MAPK13: variants seen among roughly 807,000 people sequenced by gnomAD.
MAPK13 encodes the protein MAP kinase 13.
MAPK13 carries 39 observed loss-of-function variants against 53.5 expected under a neutral mutation model. The ratio of observed to expected loss-of-function variants is 0.73; its 90% CI spans 0.56 to 0.95. The LOEUF (loss-of-function observed/expected upper bound fraction) is 0.95, where lower values mean the gene tolerates loss of function less well. Ranked by LOEUF, MAPK13 falls within the 40% of genes least tolerant of loss-of-function variation. The pLI is 0.00. For missense variants in MAPK13, 460 were observed against 471.8 expected (o/e 0.98, Z 0.23); for synonymous variants, 179 against 190.9 (o/e 0.94, Z 0.51).
At chr6:36,134,624 C>G (rs1266289227) in intron 3 of MAPK13, among the ~76,000 whole-genome samples, 1 of 152,132 alleles carries the variant, frequency 6.6e-6, no homozygotes, top group Non-Finnish European at 1.5e-5. Flanking sequence ...TCTCGAATTC[C>G]CGGCCTCAAG....
chr6:36,134,116 A>T (rs1207826176), intron 3 of MAPK13, among the ~76,000 whole-genome samples: 1 of 152,150 alleles, frequency 6.6e-6, no homozygotes, highest in Non-Finnish European at 1.5e-5. Flanking sequence ...CAGTTGAAGA[A>T]GCAAAGTCAA....
At position 36,139,023 on chromosome 6, in the gene MAPK13, A is replaced by G; in HGVS notation, c.986A>G (p.Glu329Gly). ...CAGCAGCCGTTTGATGATTCCTTAG[A>G]ACACGAGAAACTCACAGTGGATGAA... ...EAQQPFDDSL[E>G]HEKLTVDEWK... The change falls in exon 11 of 12, where the codon GAA becomes GGA. Residue 329 changes from glutamate to glycine, a missense_variant. Transcript: ENST00000211287. 1 of 1,608,668 alleles carries G rather than the reference A, an allele frequency of 6.2e-7. No individual in the cohort carries two copies. Among genetic ancestry groups the G allele is most frequent in the Non-Finnish European group, 8.5e-7 (1 of 1,178,248 alleles).
chr6:36,135,719 C>T (rs769773836), intron 3 of MAPK13, 34 bp from the exon 4 acceptor site: 17 of 1,511,080 alleles, frequency 1.1e-5, no homozygotes, highest in East Asian at 4.5e-5. Flanking sequence ...GGGTGGGACC[C>T]GGCACTGTTC....
Position 36,130,738 on chromosome 6 carries a change from C to CGGGA in MAPK13, c.119+38_119+39insGGAG. 6.0e-6 allele frequency: 3 copies of CGGGA among 500,932 alleles called. No homozygotes were observed. Among genetic ancestry groups the CGGGA allele is most frequent in the Admixed American group, 4.6e-5 (1 of 21,842 alleles). 31.0% of individuals were successfully genotyped at this position (500,932 alleles called of 1,614,324 possible). A position where few individuals can be genotyped will look rare whatever the true frequency, so the allele number is the denominator to read the frequency against. ...GGGCCGCTGGGGGGCGGGGGGCGGG[C>CGGGA]GCCAGGCTCTCCCCTTTCCGCCCAG... On this transcript the variant is annotated intron_variant, in intron 1 of 11. Coordinates refer to ENST00000211287, the MANE Select transcript of MAPK13 (RefSeq NM_002754.5). This position sits in a 1 kb window ranked among gnomAD's most constrained non-coding sequence, Gnocchi z 4.5.
In MAPK13 at chr6:36,137,178, G is replaced by A. The variant is rs904370485; in HGVS notation, c.682+228G>A. ...TGAGCCCAGGAGTTTGAGACCAGAT[G>A]TGGCAACATAGGGAGACCCCATCTC... is the stretch of plus-strand genomic sequence containing the variant. On this transcript the variant is annotated intron_variant, in intron 8 of 11. Coordinates refer to ENST00000211287, the MANE Select transcript of MAPK13 (RefSeq NM_002754.5). 2.6e-5 allele frequency among the ~76,000 whole-genome samples: 4 copies of A among 151,854 alleles called. No individual in the cohort carries two copies. In the East Asian group the frequency reaches 7.8e-4, roughly 30 times the overall value.
intron 1 of MAPK13, 190 bp from the exon 2 acceptor site, chr6:36,131,081 G>A: frequency 1.6e-6 from 1 of 607,344 alleles, no homozygotes. Context: ...TGCTGCCCCT[G>A]GCGCTGTGCC....
Position 36,139,455 on chromosome 6 carries a change from ATACAGCCTTTCAAGCAGAGGACAG to A in MAPK13, c.*83_*106del. 1 of 1,142,410 alleles carries A rather than the reference ATACAGCCTTTCAAGCAGAGGACAG, an allele frequency of 8.8e-7. No individual in the cohort carries two copies. The highest frequency in any genetic ancestry group is 2.4e-5 in the East Asian group (1 of 42,384). The allele number at this position is 1,142,410 out of a possible 1,614,324, so 70.8% of individuals were successfully genotyped here. On this transcript the variant is annotated 3_prime_UTR_variant, in exon 12 of 12. Coordinates refer to ENST00000211287, the MANE Select transcript of MAPK13 (RefSeq NM_002754.5). ...ACTACCAAACTCAGCCCTTCTTGGA[ATACAGCCTTTCAAGCAGAGGACAG>A]AAGGGTCCTTCTCCTTATGTGGGAA...
intron 8 of MAPK13, among the ~76,000 whole-genome samples, chr6:36,137,393 T>C (rs1444284012): frequency 1.3e-5 from 2 of 152,044 alleles, no homozygotes; most frequent in African/African-American, 4.8e-5. Context: ...CAGGCGCCTG[T>C]AGTCCCAGCT....
Position 36,141,404 on chromosome 6 carries a change from T to C in MAPK13, c.*2031T>C, listed in dbSNP as rs1766529654. On this transcript the variant is annotated 3_prime_UTR_variant, in exon 12 of 12. Transcript: ENST00000211287. ...AAAATAAACCACAGGCCGGTCGCAG[T>C]AGCTCACGCCTGTAATCCCAGCACC... 1 of 152,214 alleles carries C rather than the reference T, an allele frequency of 6.6e-6. No individual in the cohort carries two copies. The highest frequency in any genetic ancestry group is 1.5e-5 in the Non-Finnish European group (1 of 68,064). The allele number at this position is 152,214 out of a possible 1,614,324, so 9.4% of individuals were successfully genotyped here.
At chr6:36,131,108 C>T (rs1766310351) in intron 1 of MAPK13, 163 bp from the exon 2 acceptor site, 3 of 735,864 alleles carry the variant, frequency 4.1e-6, no homozygotes, top group Non-Finnish European at 4.2e-6. Flanking sequence ...TCAGCTCCTG[C>T]CTGGCTTCCT....
In MAPK13 at chr6:36,132,680, G is replaced by A. The variant is rs377752746; in HGVS notation, c.308+1G>A. ...CCTCCCTGCGCAACTTCTATGACTT[G>A]TGAGTTGGGCTGCACTGGGTTCTGG... On this transcript the variant is annotated splice_donor_variant, in intron 3 of 11. Coordinates refer to ENST00000211287, the MANE Select transcript of MAPK13 (RefSeq NM_002754.5). LOFTEE classifies it high-confidence loss of function. 1 of 1,614,098 alleles carries A rather than the reference G, an allele frequency of 6.2e-7. No homozygotes were observed. Among genetic ancestry groups the A allele is most frequent in the African/African-American group, 1.3e-5 (1 of 74,932 alleles).
chr6:36,135,205 T>TA (rs1301331251), intron 3 of MAPK13, among the ~76,000 whole-genome samples: 2 of 152,222 alleles, frequency 1.3e-5, no homozygotes, highest in Non-Finnish European at 2.9e-5. Flanking sequence ...CTGTAACAGT[T>TA]ACATTTTGCT....
Position 36,139,433 on chromosome 6 carries a change from A to T in MAPK13, c.*60A>T. On this transcript the variant is annotated 3_prime_UTR_variant, in exon 12 of 12. Transcript: ENST00000211287. ...TGCCCAAGGACCAGTATTTGTCACT[A>T]CCAAACTCAGCCCTTCTTGGAATAC... is the stretch of plus-strand genomic sequence containing the variant. 1 of 1,397,368 alleles carries T rather than the reference A, an allele frequency of 7.2e-7. No individual in the cohort carries two copies. The highest frequency in any genetic ancestry group is 1.0e-6 in the Non-Finnish European group (1 of 984,290). 86.6% of individuals were successfully genotyped at this position (1,397,368 alleles called of 1,614,324 possible). A position where few individuals can be genotyped will look rare whatever the true frequency, so the allele number is the denominator to read the frequency against.
At position 36,130,657 on chromosome 6, in the gene MAPK13, C is replaced by A. The variant is rs151226715; in HGVS notation, c.75C>A (p.Tyr25Ter). The A allele has an allele frequency of 1.1e-3, 1,739 of 1,583,354 alleles. 1 individual carries two copies. The highest frequency in any genetic ancestry group is 1.3e-3 in the Non-Finnish European group (1,485 of 1,166,962). Residue 25 changes from tyrosine to a stop codon, truncating the protein, a stop_gained, in exon 1 of 12, where the codon TAC becomes TAA. Transcript: ENST00000211287. LOFTEE classifies it high-confidence loss of function. This position sits in a 1 kb window ranked among gnomAD's most constrained non-coding sequence, Gnocchi z 4.5. ...NKTAWELPKT[Y>*]VSPTHVGSGA... ...CAGCCTGGGAGCTGCCCAAGACCTA[C>A]GTGTCCCCGACGCACGTCGGCAGCG... is the stretch of plus-strand genomic sequence containing the variant.
Position 36,131,343 on chromosome 6 carries a change from C to G in MAPK13, c.192C>G (p.Ile64Met). 5 of 1,613,918 alleles carry G rather than the reference C, an allele frequency of 3.1e-6. No individual in the cohort carries two copies. Among genetic ancestry groups the G allele is most frequent in the Non-Finnish European group, 4.2e-6 (5 of 1,179,938 alleles). Residue 64 changes from isoleucine to methionine, a missense_variant, in exon 2 of 12, where the codon ATC becomes ATG. Transcript: ENST00000211287. ...KKLSRPFQSE[I>M]FAKRAYRELL... Reference sequence around the variant, plus strand: ...TGAGCCGACCCTTTCAGTCCGAGATCTTCGCCAAGCGCGCCTACCGGGAGC... The same window carrying G: ...TGAGCCGACCCTTTCAGTCCGAGATGTTCGCCAAGCGCGCCTACCGGGAGC...
At position 36,142,291 on chromosome 6, in the gene MAPK13, CAT is replaced by C. The variant is rs1354990982; in HGVS notation, c.*2920_*2921del. On this transcript the variant is annotated 3_prime_UTR_variant, in exon 12 of 12. Transcript: ENST00000211287. This position sits in a 1 kb window ranked among gnomAD's most constrained non-coding sequence, Gnocchi z 4.4. The stretch of plus-strand genomic sequence containing the variant: ...CATTTTCTCCCAACAGCATGACACA[CAT>C]AGCCTTTTTTGCCCAGTGCAGCCCA... The C allele has an allele frequency of 6.6e-6, 1 of 152,426 alleles. No individual in the cohort carries two copies. The highest frequency in any genetic ancestry group is 1.5e-5 in the Non-Finnish European group (1 of 68,180). The allele number at this position is 152,426 out of a possible 1,614,324, so 9.4% of individuals were successfully genotyped here.
Position 36,131,366 on chromosome 6 carries a change from A to AGGT in MAPK13, c.216_217insGTG (p.Glu72_Leu73insVal), listed in dbSNP as rs1766318670. 14 of 1,613,440 alleles carry AGGT rather than the reference A, an allele frequency of 8.7e-6. No individual in the cohort carries two copies. Among genetic ancestry groups the AGGT allele is most frequent in the African/African-American group, 1.3e-5 (1 of 74,838 alleles). The stretch of plus-strand genomic sequence containing the variant: ...ATCTTCGCCAAGCGCGCCTACCGGG[A>AGGT]GCTGCTGCTGCTGAAGCACATGCAG... On this transcript the variant is annotated inframe_insertion, in exon 2 of 12. Coordinates refer to ENST00000211287, the MANE Select transcript of MAPK13 (RefSeq NM_002754.5).
chr6:36,136,072 C>A (rs762277331), intron 5 of MAPK13, 24 bp downstream of exon 5: 1 of 1,613,850 alleles, frequency 6.2e-7, no homozygotes, highest in Admixed American at 1.7e-5. Flanking sequence ...CTGCCATGGT[C>A]CTCAGAGGCC....
chr6:36,135,926 GC>G, intron 4 of MAPK13, 65 bp downstream of exon 4: 1 of 1,597,696 alleles, frequency 6.3e-7, no homozygotes, highest in Non-Finnish European at 8.6e-7. Context: ...GTTTGGGGAG[GC>G]TGGAGGGAGC....
Sources: gnomAD v4.1 joint callset for allele counts (sites outside exome capture counted in the v4.1 genomes callset) on GRCh38, gnomAD v4.1.1 for gene constraint, Gnocchi (gnomAD v3.1) non-coding constraint, MANE v1.5 for transcripts, NCBI Gene and HGNC (gene_info 2026-07-23, HGNC 2026-07-21) for gene names.